IPO5: variants seen among roughly 807,000 people sequenced by gnomAD.
IPO5 encodes importin-5.
A neutral mutation model predicts 143.3 loss-of-function variants in IPO5; 18 were observed. That is an observed-to-expected ratio of 0.13 (90% CI 0.09 to 0.19). The LOEUF (loss-of-function observed/expected upper bound fraction) is 0.19. IPO5 is among the 10% of genes least tolerant of loss of function. IPO5 has a pLI of 1.00. For missense variants in IPO5, 1,013 were observed against 1,336.9 expected (o/e 0.76, Z 3.78); for synonymous variants, 477 against 465.7 (o/e 1.02, Z -0.31).
chr13:97,997,709 A>T, intron 12 of IPO5, 91 bp downstream of exon 12: 1 of 612,996 alleles, frequency 1.6e-6, no homozygotes, highest in Non-Finnish European at 2.7e-6. Flanking sequence ...CTGAAGGTAA[A>T]CTTTTAAGCC....
At chr13:98,009,123 A>G (rs920330721) in intron 18 of IPO5, among the ~76,000 whole-genome samples, 1 of 152,188 alleles carries the variant, frequency 6.6e-6, no homozygotes, top group Admixed American at 6.5e-5. Context: ...CAGCCAGCAT[A>G]TAGTTTAATG....
At position 97,983,965 on chromosome 13, in the gene IPO5, C is replaced by CTTTTTTTTT. The variant is rs71117684; in HGVS notation, c.171+1405_171+1413dup. Reference sequence around the variant, plus strand: ...TGAAGAACCCTATATAGGGTAACTTCTTTTTTTTTTTTTTTTTTTTTTTTT... The same window carrying CTTTTTTTTT: ...TGAAGAACCCTATATAGGGTAACTTCTTTTTTTTTTTTTTTTTTTTTTTTTTTTTTTTTT... On this transcript the variant is annotated intron_variant, in intron 5 of 28. Coordinates refer to ENST00000651721, the MANE Select transcript of IPO5 (RefSeq NM_002271.6). 3.3e-3 allele frequency among the ~76,000 whole-genome samples: 152 copies of CTTTTTTTTT among 45,852 alleles called. 29 individuals carry two copies. Among genetic ancestry groups the CTTTTTTTTT allele is most frequent in the South Asian group, 3.6e-3 (4 of 1,126 alleles). 30.1% of individuals were successfully genotyped at this position (45,852 alleles called of 152,430 possible).
At position 98,003,052 on chromosome 13, in the gene IPO5, C is replaced by G. The variant is rs771410306; in HGVS notation, c.1497+15C>G. 2 of 1,579,934 alleles carry G rather than the reference C, an allele frequency of 1.3e-6. No individual in the cohort carries two copies. Among genetic ancestry groups the G allele is most frequent in the East Asian group, 2.2e-5 (1 of 44,740 alleles). On this transcript the variant is annotated intron_variant, in intron 16 of 28. Coordinates refer to ENST00000651721, the MANE Select transcript of IPO5 (RefSeq NM_002271.6). ...AGCTTCAAGAGGTAAGTTTTAAGAT[C>G]TGTAGGCTGCTTTCTGTTTGTAGAT...
chr13:97,959,470 C>T (rs1048378326), intron 2 of IPO5, among the ~76,000 whole-genome samples: 2 of 152,022 alleles, frequency 1.3e-5, no homozygotes, highest in African/African-American at 4.8e-5. Flanking sequence ...TGGCTCACGC[C>T]TATAATCCCA....
At position 97,979,375 on chromosome 13, in the gene IPO5, G is replaced by A. The variant is rs150840559; in HGVS notation, c.90+2589G>A. Among the ~76,000 whole-genome samples the A allele has an allele frequency of 9.6e-3, 1,455 of 152,084 alleles. 27 individuals carry two copies. The highest frequency in any genetic ancestry group is 0.033 in the African/African-American group (1,388 of 41,496). ...ACTCTAAAAAGTTAAAACTTTTTTC[G>A]TCGTATATGCCATTTAGTAGGCTTT... is the stretch of plus-strand genomic sequence containing the variant. On this transcript the variant is annotated intron_variant, in intron 4 of 28. Coordinates refer to ENST00000651721, the MANE Select transcript of IPO5 (RefSeq NM_002271.6).
At chr13:97,973,145 C>T (rs146747238) in intron 3 of IPO5, among the ~76,000 whole-genome samples, 3 of 147,778 alleles carry the variant, frequency 2.0e-5, no homozygotes, top group African/African-American at 5.0e-5. Flanking sequence ...TGGGTTCAAG[C>T]GATTCTCCTG....
chr13:97,967,494 A>G (rs1885442068), intron 2 of IPO5, among the ~76,000 whole-genome samples: 2 of 151,748 alleles, frequency 1.3e-5, no homozygotes, highest in Admixed American at 1.3e-4. Flanking sequence ...TTTAGTATCT[A>G]AGGAAGTAGG....
At chr13:98,007,455 G>C (rs1213333485) in intron 17 of IPO5, 1 of 152,234 alleles carries the variant, frequency 6.6e-6, no homozygotes, top group African/African-American at 2.4e-5. Context: ...AAGTTTCTCT[G>C]TCATTGAATC....
chr13:98,005,208 T>TC (rs1889123129), intron 16 of IPO5, among the ~76,000 whole-genome samples: 1 of 150,668 alleles, frequency 6.6e-6, no homozygotes, highest in African/African-American at 2.5e-5. Context: ...CTTTTTTTTT[T>TC]TTTCCCCAGA....
intron 27 of IPO5, 38 bp downstream of exon 27, chr13:98,019,847 C>A: frequency 7.3e-7 from 1 of 1,377,778 alleles, no homozygotes. Flanking sequence ...CCTTCTCCTC[C>A]ACAGTGCTTC....
chr13:97,976,313 T>C (rs1462116402), intron 3 of IPO5, among the ~76,000 whole-genome samples: 1 of 150,356 alleles, frequency 6.7e-6, no homozygotes, highest in African/African-American at 2.4e-5. Flanking sequence ...CCGACCCCGA[T>C]CCCAGCCCTG....
At chr13:97,985,744 G>A in intron 6 of IPO5, 131 bp downstream of exon 6, 1 of 671,508 alleles carries the variant, frequency 1.5e-6, no homozygotes, top group Non-Finnish European at 2.5e-6. Context: ...AAATGAATGT[G>A]CTTATGGATT....
At chr13:97,981,220 C>T (rs1358747701) in intron 4 of IPO5, 3 of 453,474 alleles carry the variant, frequency 6.6e-6, no homozygotes, top group East Asian at 7.0e-5. Context: ...TCTCCTTTCC[C>T]CCAAAATCTG....
Position 98,016,811 on chromosome 13 carries a change from C to T in IPO5, c.2576C>T (p.Pro859Leu). ...AGTAGCTACAAAGAAAAGGTGTTAC[C>T]ATGGTTTGAACAGCTGCTTCCATTA... ...IFSSYKEKVL[P>L]WFEQLLPLIV... Residue 859 changes from proline to leucine, a missense_variant, in exon 25 of 29, where the codon CCA (proline) becomes CTA (leucine). Pro to Leu is a moderately conservative substitution (Grantham distance 98). Coordinates refer to ENST00000651721, the MANE Select transcript of IPO5 (RefSeq NM_002271.6). The T allele has an allele frequency of 6.3e-7, 1 of 1,578,414 alleles. No individual in the cohort carries two copies.
chr13:98,020,377 T>A (rs985152708), intron 27 of IPO5, among the ~76,000 whole-genome samples: 2 of 152,092 alleles, frequency 1.3e-5, no homozygotes, highest in Non-Finnish European at 2.9e-5. Context: ...CCATACTTGT[T>A]TAAGTTCAGG....
intron 2 of IPO5, among the ~76,000 whole-genome samples, chr13:97,961,737 G>A (rs1884899253): frequency 6.6e-6 from 1 of 152,158 alleles, no homozygotes; most frequent in Non-Finnish European, 1.5e-5. Context: ...CTGGAGAAAT[G>A]TCTATTCAAA....
chr13:98,002,159 C>T (rs1434212546), intron 13 of IPO5: 4 of 171,862 alleles, frequency 2.3e-5, no homozygotes, highest in East Asian at 1.6e-4. Flanking sequence ...GGAATACAGG[C>T]GCCTGCCACC....
At chr13:97,969,296 T>G (rs1015543642) in intron 2 of IPO5, among the ~76,000 whole-genome samples, 6 of 149,264 alleles carry the variant, frequency 4.0e-5, no homozygotes, top group African/African-American at 1.5e-4. Context: ...ATTCTCCTGC[T>G]TCAGCCTCCC....
At chr13:97,998,210 C>G (rs1181037744) in intron 12 of IPO5, among the ~76,000 whole-genome samples, 1 of 152,206 alleles carries the variant, frequency 6.6e-6, no homozygotes, top group East Asian at 1.9e-4. Context: ...CTCCTGACAT[C>G]ATGATCCGCC....
Sources: allele counts gnomAD v4.1 joint callset (sites outside exome capture counted in the v4.1 genomes callset), GRCh38; gene constraint gnomAD v4.1.1; transcripts MANE v1.5; gene names NCBI Gene and HGNC (gene_info 2026-07-23, HGNC 2026-07-21).